The following IPCEF1 variants were observed in gnomAD, a reference collection of about 807,000 sequenced individuals.
IPCEF1 encodes interaction protein for cytohesin exchange factors 1.
IPCEF1 carries 31 observed loss-of-function variants against 50.9 expected under a neutral mutation model. The ratio of observed to expected loss-of-function variants is 0.61; its 90% CI spans 0.46 to 0.82. The LOEUF (loss-of-function observed/expected upper bound fraction) is 0.82, where lower values mean the gene tolerates loss of function less well. Among genes scored for constraint, IPCEF1 ranks in the 40% least tolerant of loss-of-function variants. The probability of loss-of-function intolerance (pLI) is 0.00; values close to 1 mark genes in which losing one functional copy is unlikely to be tolerated. For synonymous variants in IPCEF1, 181 were observed against 192.0 expected (o/e 0.94, Z 0.47); for missense variants, 458 against 514.0 (o/e 0.89, Z 1.05).
intron 10 of IPCEF1, among the ~76,000 whole-genome samples, chr6:154,174,655 C>T (rs1414351279): frequency 1.3e-5 from 2 of 152,152 alleles, no homozygotes; most frequent in African/African-American, 4.8e-5. Context: ...AATACAGGAG[C>T]ACCCAGATTC....
In IPCEF1 at chr6:154,155,012, G is replaced by A. The variant is rs928116919; in HGVS notation, c.*4816C>T. On this transcript the variant is annotated 3_prime_UTR_variant, in exon 12 of 12. Transcript: ENST00000367220. ...GGCACACTTCCCTTTTGGGCTAAAG[G>A]TTAAAAAAAAAAAATTCAAATACAA... 1.3e-5 allele frequency: 2 copies of A among 151,376 alleles called. No homozygotes were observed. Among genetic ancestry groups the A allele is most frequent in the African/African-American group, 2.4e-5 (1 of 41,146 alleles). The allele number at this position is 151,376 out of a possible 1,614,324, so 9.4% of individuals were successfully genotyped here. A position where few individuals can be genotyped will look rare whatever the true frequency, so the allele number is the denominator to read the frequency against.
intron 10 of IPCEF1, among the ~76,000 whole-genome samples, chr6:154,171,140 T>C (rs755012204): frequency 1.4e-4 from 21 of 152,188 alleles, no homozygotes; most frequent in Admixed American, 2.6e-4. Context: ...ATTGAAAACA[T>C]ATATTCACAC....
At chr6:154,330,234 G>A (rs1172113797) in intron 1 of IPCEF1, among the ~76,000 whole-genome samples, 1 of 150,342 alleles carries the variant, frequency 6.7e-6, no homozygotes, top group African/African-American at 2.5e-5. Flanking sequence ...ATCCAATTCA[G>A]TACACTCCCC....
chr6:154,303,889 C>G (rs902341990), intron 1 of IPCEF1, among the ~76,000 whole-genome samples: 4 of 152,052 alleles, frequency 2.6e-5, no homozygotes, highest in African/African-American at 4.8e-5. Flanking sequence ...CCACTGCACT[C>G]CAGCCTGAGC....
intron 11 of IPCEF1, among the ~76,000 whole-genome samples, chr6:154,166,361 C>T (rs754389463): frequency 1.4e-4 from 22 of 152,214 alleles, no homozygotes; most frequent in Non-Finnish European, 2.9e-4. Context: ...AGGCCTGAGG[C>T]CACAGCCTTT....
At chr6:154,203,867 G>C (rs1777272060) in intron 9 of IPCEF1, among the ~76,000 whole-genome samples, 1 of 152,194 alleles carries the variant, frequency 6.6e-6, no homozygotes. Flanking sequence ...CTCTGGGGGA[G>C]GAGCTCCCTG....
chr6:154,161,215 ATTT>A (rs778278528), intron 11 of IPCEF1, among the ~76,000 whole-genome samples: 4 of 133,832 alleles, frequency 3.0e-5, no homozygotes, highest in Admixed American at 7.5e-5. Context: ...TTTTCTTTTC[ATTT>A]TTTTTTTTTT....
intron 10 of IPCEF1, among the ~76,000 whole-genome samples, chr6:154,192,536 C>T (rs1801995178): frequency 6.6e-6 from 1 of 152,230 alleles, no homozygotes; most frequent in Non-Finnish European, 1.5e-5. Flanking sequence ...CAAAAAGCTT[C>T]TGCACAGCAA....
rs1207053704 is a variant in IPCEF1, at chr6:154,350,430, T to C, written c.-62+6242A>G. 3.3e-5 allele frequency among the ~76,000 whole-genome samples: 5 copies of C among 152,346 alleles called. No homozygotes were observed. In the East Asian group the frequency reaches 9.6e-4, roughly 29 times the overall value. ...TAGCCTGATTTTCATTTTGTAAATG[T>C]GTCTCATTGTTGAGAGTGTCTTTAT... is the stretch of plus-strand genomic sequence containing the variant. On this transcript the variant is annotated intron_variant, in intron 1 of 11. Coordinates refer to ENST00000367220, the MANE Select transcript of IPCEF1 (RefSeq NM_001130700.2).
chr6:154,335,177 A>G (rs894725788), intron 1 of IPCEF1, among the ~76,000 whole-genome samples: 5 of 151,782 alleles, frequency 3.3e-5, no homozygotes, highest in Non-Finnish European at 5.9e-5. Context: ...AAATAAAAAG[A>G]TAATGTCTAT....
intron 1 of IPCEF1, among the ~76,000 whole-genome samples, chr6:154,324,056 A>C (rs1369468589): frequency 1.3e-5 from 2 of 152,174 alleles, no homozygotes; most frequent in African/African-American, 2.4e-5. Flanking sequence ...TCATTTTATT[A>C]TTTTGTCTAC....
At chr6:154,200,770 C>T (rs542399161) in intron 9 of IPCEF1, among the ~76,000 whole-genome samples, 15 of 152,186 alleles carry the variant, frequency 9.9e-5, no homozygotes, top group East Asian at 5.8e-4. Context: ...AAACAAAATA[C>T]GAACTTAAAC....
intron 2 of IPCEF1, among the ~76,000 whole-genome samples, chr6:154,280,701 G>A (rs944377337): frequency 6.6e-6 from 1 of 152,210 alleles, no homozygotes; most frequent in African/African-American, 2.4e-5. Flanking sequence ...CAAATGGCAG[G>A]AGAGTGGAAA....
At chr6:154,221,459 T>C (rs1373420736) in intron 6 of IPCEF1, 131 bp from the exon 7 acceptor site, 4 of 700,096 alleles carry the variant, frequency 5.7e-6, no homozygotes, top group Non-Finnish European at 9.6e-6. Context: ...AAAAATAATT[T>C]AGTAATATTA....
intron 10 of IPCEF1, among the ~76,000 whole-genome samples, chr6:154,172,462 C>T (rs9479775): frequency 2.0e-5 from 3 of 152,146 alleles, no homozygotes; most frequent in African/African-American, 7.2e-5. Flanking sequence ...CCACAGTCTT[C>T]GCAACCAGCA....
intron 1 of IPCEF1, among the ~76,000 whole-genome samples, chr6:154,321,778 TAAAA>T (rs61648946): frequency 1.2e-4 from 6 of 51,936 alleles, no homozygotes; most frequent in East Asian, 6.9e-4. Context: ...AGACTCTTTC[TAAAA>T]AAAAAAAAAA....
At chr6:154,188,392 G>A (rs181067687) in intron 10 of IPCEF1, among the ~76,000 whole-genome samples, 1 of 152,336 alleles carries the variant, frequency 6.6e-6, no homozygotes, top group Non-Finnish European at 1.5e-5. Flanking sequence ...CCAATTTCAT[G>A]TACTGGAAAA....
At chr6:154,349,558 G>T (rs1205067814) in intron 1 of IPCEF1, among the ~76,000 whole-genome samples, 1 of 151,884 alleles carries the variant, frequency 6.6e-6, no homozygotes, top group Non-Finnish European at 1.5e-5. Context: ...GGGATTATAG[G>T]CATGAGCCAC....
chr6:154,246,471 T>C, intron 5 of IPCEF1, 120 bp downstream of exon 5: 1 of 1,190,274 alleles, frequency 8.4e-7, no homozygotes, highest in Non-Finnish European at 1.2e-6. Context: ...AACTTATTTG[T>C]TTATTTACTC....
Sources: allele counts gnomAD v4.1 joint callset (sites outside exome capture counted in the v4.1 genomes callset), GRCh38; gene constraint gnomAD v4.1.1; transcripts MANE v1.5; gene names NCBI Gene and HGNC (gene_info 2026-07-23, HGNC 2026-07-21).